MAF: variants seen among roughly 807,000 people sequenced by gnomAD.
The protein encoded by MAF is MAF bZIP transcription factor, also known as transcription factor Maf.
In MAF, 10 loss-of-function variants were observed where a neutral mutation model predicts 22.0. The observed-to-expected ratio is 0.45, with a 90% CI of 0.28 to 0.77. The LOEUF (loss-of-function observed/expected upper bound fraction) is 0.77. MAF is among the 30% of genes least tolerant of loss of function. The probability of loss-of-function intolerance (pLI) is 0.12; values close to 1 mark genes in which losing one functional copy is unlikely to be tolerated. For missense variants in MAF, 544 were observed against 548.4 expected, an observed-to-expected ratio of 0.99 and a Z score of 0.08; for synonymous variants, 337 against 255.8, an observed-to-expected ratio of 1.32 and a Z score of -3.03.
At chr16:79,362,359 CT>C in the MAF span, among the ~76,000 whole-genome samples, 1 of 152,138 alleles carries the variant, frequency 6.6e-6, no homozygotes, top group Non-Finnish European at 1.5e-5. Flanking sequence ...ACACAGATGC[CT>C]TGAATATACG....
At chr16:79,213,792 A>AAGAT in the MAF span, among the ~76,000 whole-genome samples, 3 of 151,854 alleles carry the variant, frequency 2.0e-5, no homozygotes, top group South Asian at 2.1e-4. Flanking sequence ...AGCAATGCAA[A>AAGAT]AGATAGTAAA....
chr16:79,493,157 T>G, the MAF span, among the ~76,000 whole-genome samples: 1 of 151,582 alleles, frequency 6.6e-6, no homozygotes, highest in East Asian at 1.9e-4. Context: ...TGTTTTGTCT[T>G]GTTTTGTTTT....
chr16:79,542,029 T>C, the MAF span, among the ~76,000 whole-genome samples: 148 of 152,268 alleles, frequency 9.7e-4, 2 homozygotes, highest in African/African-American at 3.4e-3. Flanking sequence ...AGGCATGAGA[T>C]AGGCTTTGGA....
the MAF span, among the ~76,000 whole-genome samples, chr16:79,514,754 C>T: frequency 6.6e-6 from 1 of 152,192 alleles, no homozygotes; most frequent in Middle Eastern, 3.2e-3. Flanking sequence ...CAATCAGGGA[C>T]TCCATTGTTT....
At chr16:79,206,452 C>G in the MAF span, 5 of 152,314 alleles carry the variant, frequency 3.3e-5, no homozygotes, top group African/African-American at 9.6e-5. Context: ...AGGCTTCTCT[C>G]TAAATAAATG....
the MAF span, among the ~76,000 whole-genome samples, chr16:79,550,992 A>G: frequency 6.6e-6 from 1 of 152,138 alleles, no homozygotes; most frequent in Admixed American, 6.6e-5. Context: ...CCGTGGCCTC[A>G]CAGACAGCAG....
At chr16:79,387,123 T>C in the MAF span, among the ~76,000 whole-genome samples, 6 of 152,286 alleles carry the variant, frequency 3.9e-5, no homozygotes, top group African/African-American at 1.4e-4. Flanking sequence ...GTAAGCAAAT[T>C]CTCTGCTAAA....
the MAF span, among the ~76,000 whole-genome samples, chr16:79,217,940 A>G: frequency 7.7e-6 from 1 of 130,678 alleles, no homozygotes; most frequent in African/African-American, 2.8e-5. Flanking sequence ...TTGCAATATC[A>G]CTGCCCATTC....
At chr16:79,509,179 C>T in the MAF span, among the ~76,000 whole-genome samples, 1 of 152,194 alleles carries the variant, frequency 6.6e-6, no homozygotes, top group African/African-American at 2.4e-5. Context: ...GTGAAACCAT[C>T]TCCGAGGCGT....
At chr16:79,315,342 A>C in the MAF span, among the ~76,000 whole-genome samples, 1 of 152,182 alleles carries the variant, frequency 6.6e-6, no homozygotes. Flanking sequence ...AGTTGAAACT[A>C]CTATGATTTT....
At chr16:79,260,683 C>T in the MAF span, among the ~76,000 whole-genome samples, 5 of 152,086 alleles carry the variant, frequency 3.3e-5, no homozygotes, top group East Asian at 1.9e-4. Flanking sequence ...GTTCAACAGG[C>T]GAAGCATCGG....
At chr16:79,219,535 C>G in the MAF span, among the ~76,000 whole-genome samples, 3 of 116,012 alleles carry the variant, frequency 2.6e-5, no homozygotes, top group Admixed American at 3.5e-4. Flanking sequence ...TGGGCGACAG[C>G]GAGACTCTGC....
At chr16:79,409,935 A>G in the MAF span, among the ~76,000 whole-genome samples, 612 of 152,362 alleles carry the variant, frequency 4.0e-3, 6 homozygotes, top group African/African-American at 0.014. Flanking sequence ...TAAAATTGTT[A>G]AAGTGAACTA....
At chr16:79,526,445 C>T in the MAF span, among the ~76,000 whole-genome samples, 284 of 152,240 alleles carry the variant, frequency 1.9e-3, 1 homozygote, top group Non-Finnish European at 3.1e-3. Flanking sequence ...ACACGTGAAG[C>T]TTTGCTGCTG....
chr16:79,301,013 GAGGGGACACTC>G, the MAF span, among the ~76,000 whole-genome samples: 2 of 151,920 alleles, frequency 1.3e-5, no homozygotes, highest in African/African-American at 4.8e-5. Flanking sequence ...AGAGGAAAGG[GAGGGGACACTC>G]AGGCACAAAA....
the MAF span, among the ~76,000 whole-genome samples, chr16:79,304,122 G>A: frequency 4.9e-4 from 75 of 152,316 alleles, no homozygotes; most frequent in African/African-American, 1.7e-3. Flanking sequence ...CTTGGCAGGC[G>A]AAGACAGAAT....
the MAF span, among the ~76,000 whole-genome samples, chr16:79,520,429 T>A: frequency 6.6e-6 from 1 of 152,134 alleles, no homozygotes; most frequent in Non-Finnish European, 1.5e-5. Context: ...GCTCTCGTGG[T>A]CCTAACCTCA....
At chr16:79,529,509 C>G in the MAF span, among the ~76,000 whole-genome samples, 1 of 152,070 alleles carries the variant, frequency 6.6e-6, no homozygotes, top group Non-Finnish European at 1.5e-5. Context: ...TTAATAGGGG[C>G]ACTAATAATA....
At chr16:79,210,639 C>T in the MAF span, among the ~76,000 whole-genome samples, 4 of 152,150 alleles carry the variant, frequency 2.6e-5, no homozygotes, top group Non-Finnish European at 5.9e-5. Context: ...CATAAGATGC[C>T]AGATAAACTG....
Sources: allele counts gnomAD v4.1 joint callset (sites outside exome capture counted in the v4.1 genomes callset), GRCh38; gene constraint gnomAD v4.1.1; transcripts MANE v1.5; gene names NCBI Gene and HGNC (gene_info 2026-07-23, HGNC 2026-07-21).